The following RREB1 variants were observed in gnomAD, a reference collection of about 807,000 sequenced individuals.
RREB1 encodes ras-responsive element-binding protein 1.
Under a neutral mutation model 117.8 loss-of-function variants are expected in RREB1, and 27 were observed. That is an observed-to-expected ratio of 0.23 (90% CI 0.17 to 0.32). The LOEUF (loss-of-function observed/expected upper bound fraction) is 0.32. RREB1 is among the 10% of genes least tolerant of loss of function. The probability of loss-of-function intolerance (pLI) is 1.00; values close to 1 mark genes in which losing one functional copy is unlikely to be tolerated. For missense variants in RREB1, 2,577 were observed against 2,378.2 expected, an observed-to-expected ratio of 1.08 and a Z score of -1.74; for synonymous variants, 1,298 against 1,026.7, an observed-to-expected ratio of 1.26 and a Z score of -5.05.
chr6:7,123,618 T>C (rs947218882), intron 1 of RREB1, among the ~76,000 whole-genome samples: 1 of 149,476 alleles, frequency 6.7e-6, no homozygotes, highest in African/African-American at 2.5e-5. Context: ...GTCTTTTTTT[T>C]TTTTTTTTTT....
rs1311005723 is a variant in RREB1 at position 7,250,677 on chromosome 6, A to T, written c.*1709A>T. ...GCCCCAGTGCTCCTCCTTTACATAG[A>T]CTTGTTCACACAGAAACGTGCACGC... On this transcript the variant is annotated 3_prime_UTR_variant, in exon 13 of 13. Transcript: ENST00000379938. The T allele has an allele frequency of 6.6e-6, 1 of 151,938 alleles. No homozygotes were observed. Among genetic ancestry groups the T allele is most frequent in the Non-Finnish European group, 1.5e-5 (1 of 67,992 alleles). The allele number at this position is 151,938 out of a possible 1,614,324, so 9.4% of individuals were successfully genotyped here.
chr6:7,178,434 C>G (rs1338664021), intron 2 of RREB1, among the ~76,000 whole-genome samples: 1 of 152,154 alleles, frequency 6.6e-6, no homozygotes, highest in African/African-American at 2.4e-5. Flanking sequence ...CCAGCTTGCT[C>G]TGGTTCGATG....
In RREB1 at chr6:7,164,593, C is replaced by T. The variant is rs1158476312; in HGVS notation, c.-284-12062C>T. ...TCAGGTCATCCCATCCCATAAGTGA[C>T]AAGCACAGTCTCACAACCCTCTTGA... On this transcript the variant is annotated intron_variant, in intron 1 of 12. Transcript: ENST00000379938. Among the ~76,000 whole-genome samples the T allele has an allele frequency of 2.0e-5, 3 of 152,316 alleles. No homozygotes were observed. The East Asian group carries it at 5.8e-4, about 29-fold the overall frequency.
At chr6:7,109,037 G>GGGCTCGGC (rs1760996960) in intron 1 of RREB1, among the ~76,000 whole-genome samples, 1 of 151,372 alleles carries the variant, frequency 6.6e-6, no homozygotes, top group South Asian at 2.1e-4. Context: ...GGGGGGTGGG[G>GGGCTCGGC]GGCTCGGCGC....
intron 1 of RREB1, among the ~76,000 whole-genome samples, chr6:7,176,070 C>T (rs748961405): frequency 6.6e-6 from 1 of 152,182 alleles, no homozygotes; most frequent in Non-Finnish European, 1.5e-5. Flanking sequence ...GCGCATGCCA[C>T]CACACCCAGC....
rs574890447 is a variant in RREB1 at position 7,192,997 on chromosome 6, T to A, written c.425+3675T>A. Among the ~76,000 whole-genome samples, 27 of 152,350 alleles carry A rather than the reference T, an allele frequency of 1.8e-4. 2 individuals are homozygous for A. Among genetic ancestry groups the A allele is most frequent in the African/African-American group, 5.8e-4 (24 of 41,588 alleles). On this transcript the variant is annotated intron_variant, in intron 6 of 12. Transcript: ENST00000379938. ...TATGTTGTGTTTTCTTTTTCATTCATCTCAGCATATTTTCTAATTTCCCTT... is the reference window on the plus strand; with the variant it reads ...TATGTTGTGTTTTCTTTTTCATTCAACTCAGCATATTTTCTAATTTCCCTT...
chr6:7,109,903 T>A (rs1224684306), intron 1 of RREB1, among the ~76,000 whole-genome samples: 2 of 152,190 alleles, frequency 1.3e-5, no homozygotes, highest in Non-Finnish European at 2.9e-5. Context: ...CGTTTTGGTA[T>A]GTTGAAAAAC....
intron 8 of RREB1, chr6:7,214,042 A>G (rs1208397854): frequency 2.0e-5 from 3 of 152,324 alleles, no homozygotes; most frequent in African/African-American, 4.8e-5. Context: ...CTCCTGGAGC[A>G]ATCCTCTGAA....
Position 7,230,733 on chromosome 6 carries a change from A to G in RREB1, c.2634A>G (p.Pro878=), listed in dbSNP as rs755235773. The part of the protein sequence containing the change: ...GFLHRGPTQP[P]PPHVSIKLEP... Reference sequence around the variant, plus strand: ...TTCACAGGGGCCCCACCCAGCCTCCACCTCCCCATGTCTCGATCAAGTTGG... The same window carrying G: ...TTCACAGGGGCCCCACCCAGCCTCCGCCTCCCCATGTCTCGATCAAGTTGG... The change falls in exon 10 of 13, where the codon CCA becomes CCG. Residue 878 remains proline, a synonymous_variant. Coordinates refer to ENST00000379938, the MANE Select transcript of RREB1 (RefSeq NM_001003699.4). 1.9e-6 allele frequency: 3 copies of G among 1,601,282 alleles called. No individual in the cohort carries two copies. The highest frequency in any genetic ancestry group is 2.6e-6 in the Non-Finnish European group (3 of 1,172,758).
chr6:7,134,856 A>T (rs73719063), intron 1 of RREB1, among the ~76,000 whole-genome samples: 2,620 of 152,304 alleles, frequency 0.017, 29 homozygotes, highest in African/African-American at 0.032. Flanking sequence ...GAGTTCTGTA[A>T]CTAGAGCTAA....
intron 10 of RREB1, among the ~76,000 whole-genome samples, chr6:7,238,017 CAG>C (rs561462424): frequency 5.3e-4 from 81 of 152,288 alleles, no homozygotes; most frequent in East Asian, 1.5e-3. Flanking sequence ...AACCATGTGA[CAG>C]GGGGGAGCGA....
At chr6:7,130,793 G>A (rs1224834824) in intron 1 of RREB1, among the ~76,000 whole-genome samples, 1 of 151,640 alleles carries the variant, frequency 6.6e-6, no homozygotes, top group Admixed American at 6.6e-5. Flanking sequence ...ACTTTTGTAT[G>A]TTTAGTAGAG....
At chr6:7,153,893 A>T (rs1485591189) in intron 1 of RREB1, among the ~76,000 whole-genome samples, 1 of 152,192 alleles carries the variant, frequency 6.6e-6, no homozygotes, top group African/African-American at 2.4e-5. Flanking sequence ...CTCTTGTCTT[A>T]TAGCTACTCT....
At chr6:7,108,089 C>G (rs917414691) in intron 1 of RREB1, 29 bp downstream of exon 1, 1 of 152,320 alleles carries the variant, frequency 6.6e-6, no homozygotes, top group South Asian at 2.1e-4. Flanking sequence ...TTCCGACTCG[C>G]GGTACGCCGG....
At chr6:7,174,151 CTTT>C (rs59106767) in intron 1 of RREB1, among the ~76,000 whole-genome samples, 21 of 131,078 alleles carry the variant, frequency 1.6e-4, no homozygotes, top group African/African-American at 5.8e-4. Flanking sequence ...CTAGTCTTTC[CTTT>C]TTTTTTTTTT....
chr6:7,148,120 A>T (rs1762955546), intron 1 of RREB1, among the ~76,000 whole-genome samples: 1 of 152,166 alleles, frequency 6.6e-6, no homozygotes, highest in African/African-American at 2.4e-5. Flanking sequence ...GGGGAGAGGT[A>T]TGTAAAATAA....
chr6:7,229,311 C>T lies in RREB1; in HGVS notation c.1212C>T (p.Pro404=), dbSNP rs142150270. Residue 404 remains proline, a synonymous_variant, in exon 10 of 13, where the codon CCC becomes CCT. Transcript: ENST00000379938. This position sits in a 1 kb window ranked among gnomAD's most constrained non-coding sequence, Gnocchi z 4.5. Reference sequence around the variant, plus strand: ...TCAAGTGTCAGCTACCTCAGGACCCCGGCTGCACCAACCTGCTGAGCCTGT... The same window carrying T: ...TCAAGTGTCAGCTACCTCAGGACCCTGGCTGCACCAACCTGCTGAGCCTGT... The part of the protein sequence containing the change: ...QTLKCQLPQD[P]GCTNLLSLSP... The T allele has an allele frequency of 2.0e-4, 321 of 1,614,198 alleles. 4 individuals carry two copies. The African/African-American group carries it at 3.3e-3, about 17-fold the overall frequency.
intron 6 of RREB1, among the ~76,000 whole-genome samples, chr6:7,195,669 A>T (rs1189709396): frequency 6.6e-6 from 1 of 152,166 alleles, no homozygotes; most frequent in Non-Finnish European, 1.5e-5. Context: ...CTGCTTCCCA[A>T]GGTCTGTTGG....
chr6:7,190,971 G>A (rs538998900), intron 6 of RREB1, among the ~76,000 whole-genome samples: 41 of 152,334 alleles, frequency 2.7e-4, no homozygotes, highest in East Asian at 7.7e-4. Context: ...TCCTAGTGGC[G>A]TTTTGGCCCT....
Sources: gnomAD v4.1 joint callset for allele counts (sites outside exome capture counted in the v4.1 genomes callset) on GRCh38, gnomAD v4.1.1 for gene constraint, Gnocchi (gnomAD v3.1) non-coding constraint, MANE v1.5 for transcripts, NCBI Gene and HGNC (gene_info 2026-07-23, HGNC 2026-07-21) for gene names.